Variants in CCDC144A observed in about 807,000 individuals in gnomAD.
The protein encoded by CCDC144A is coiled-coil domain containing 144A.
Under a neutral mutation model 143.8 loss-of-function variants are expected in CCDC144A, and 41 were observed. The observed-to-expected ratio is 0.29, with a 90% confidence interval of 0.22 to 0.37. The LOEUF (loss-of-function observed/expected upper bound fraction) is 0.37, where lower values mean the gene tolerates loss of function less well. Ranked by LOEUF, CCDC144A falls within the 10% of genes least tolerant of loss-of-function variation. CCDC144A has a pLI of 1.00. For missense variants in CCDC144A, 637 were observed against 1,488.8 expected, an observed-to-expected ratio of 0.43 and a Z score of 9.41; for synonymous variants, 242 against 517.9, an observed-to-expected ratio of 0.47 and a Z score of 7.23.
intron 6 of CCDC144A, among the ~76,000 whole-genome samples, chr17:16,716,321 G>T (rs1162493072): frequency 5.3e-5 from 8 of 151,982 alleles, no homozygotes; most frequent in Non-Finnish European, 1.0e-4. Flanking sequence ...AGTGGGAAAT[G>T]TTTGTCTCTT....
upstream of CCDC144A, among the ~76,000 whole-genome samples, chr17:16,685,366 G>A (rs1597517675): frequency 1.3e-5 from 2 of 151,760 alleles, no homozygotes; most frequent in South Asian, 4.2e-4. Flanking sequence ...TTCCAACGCC[G>A]TTTTTTGTTG....
chr17:16,667,741 C>T, the CCDC144A span, among the ~76,000 whole-genome samples: 446 of 151,674 alleles, frequency 2.9e-3, 4 homozygotes, highest in African/African-American at 0.01. Context: ...TGTTTTATTA[C>T]GCGTTTTCTC....
chr17:16,714,317 C>G (rs1410004764), intron 6 of CCDC144A, among the ~76,000 whole-genome samples: 1 of 152,220 alleles, frequency 6.6e-6, no homozygotes, highest in Non-Finnish European at 1.5e-5. Flanking sequence ...CTACACCAAC[C>G]TGCCTACTTG....
chr17:16,773,688 T>A lies in CCDC144A; in HGVS notation c.*55T>A. ...ACATGATATTTTGTTTCCCATTAAATATATGATGTGAACATTTTTACTAAA... is the reference window on the plus strand; with the variant it reads ...ACATGATATTTTGTTTCCCATTAAAAATATGATGTGAACATTTTTACTAAA... On this transcript the variant is annotated 3_prime_UTR_variant, in exon 17 of 17. Coordinates refer to ENST00000399273, the MANE Select transcript of CCDC144A (RefSeq NM_001382000.1). The A allele has an allele frequency of 2.2e-6, 3 of 1,391,784 alleles. No homozygotes were observed. In the South Asian group the frequency reaches 4.8e-5, roughly 22 times the overall value. The allele number at this position is 1,391,784 out of a possible 1,614,324, so 86.2% of individuals were successfully genotyped here. A position where few individuals can be genotyped will look rare whatever the true frequency, so the allele number is the denominator to read the frequency against.
chr17:16,685,623 T>C (rs1340167524), upstream of CCDC144A, among the ~76,000 whole-genome samples: 1 of 152,140 alleles, frequency 6.6e-6, no homozygotes, highest in Non-Finnish European at 1.5e-5. Flanking sequence ...CCTCAGGTGA[T>C]CCACCTGCCT....
At position 16,729,991 on chromosome 17, in the gene CCDC144A, T is replaced by TACACACAC. The variant is rs1555533309; in HGVS notation, c.2106-1802_2106-1801insCACACACA. Among the ~76,000 whole-genome samples the TACACACAC allele has an allele frequency of 7.4e-3, 833 of 112,850 alleles. 5 individuals are homozygous for TACACACAC. Among genetic ancestry groups the TACACACAC allele is most frequent in the Middle Eastern group, 0.014 (3 of 210 alleles). The allele number at this position is 112,850 out of a possible 152,430, so 74.0% of individuals were successfully genotyped here. A position where few individuals can be genotyped will look rare whatever the true frequency, so the allele number is the denominator to read the frequency against. ...ATATATATATATATATATATATATA[T>TACACACAC]ACACACATACATTTTTTGTTTTTTT... On this transcript the variant is annotated intron_variant, in intron 9 of 16. Coordinates refer to ENST00000399273, the MANE Select transcript of CCDC144A (RefSeq NM_001382000.1).
chr17:16,762,260 T>G lies in CCDC144A; in HGVS notation c.3667-53T>G. ...CAAACAAAAGGAAACAAATACACAG[T>G]AATTATTCAGGTTATAATTACTTTT... On this transcript the variant is annotated intron_variant, in intron 13 of 16. Transcript: ENST00000399273. The G allele has an allele frequency of 2.6e-6, 4 of 1,533,306 alleles. No homozygotes were observed. In the East Asian group the frequency reaches 9.9e-5, roughly 38 times the overall value. 95.0% of individuals were successfully genotyped at this position (1,533,306 alleles called of 1,614,324 possible).
Position 16,720,654 on chromosome 17 carries a change from T to A in CCDC144A, c.1887T>A (p.Tyr629Ter), listed in dbSNP as rs1433915400. The A allele has an allele frequency of 6.6e-7, 1 of 1,523,012 alleles. No individual in the cohort carries two copies. Among genetic ancestry groups the A allele is most frequent in the South Asian group, 1.4e-5 (1 of 73,688 alleles). The allele number at this position is 1,523,012 out of a possible 1,614,324, so 94.3% of individuals were successfully genotyped here. ...MLLIEQLRME[Y>*]KDSASLPRIQ... ...TGATTGAACAACTTAGAATGGAGTA[T>A]AAAGGTAGGACCACTGCATAAATGC... The change falls in exon 8 of 17, where the codon TAT becomes TAA. Residue 629 changes from tyrosine (Y) to a stop codon, truncating the protein, a stop_gained. Transcript: ENST00000399273. LOFTEE classifies it high-confidence loss of function.
intron 6 of CCDC144A, among the ~76,000 whole-genome samples, chr17:16,714,070 A>G (rs1009466238): frequency 4.6e-5 from 7 of 152,116 alleles, no homozygotes; most frequent in Non-Finnish European, 7.4e-5. Context: ...CTCCTCCATA[A>G]CAGTGTCTTC....
chr17:16,684,775 T>G (rs9898176), upstream of CCDC144A, among the ~76,000 whole-genome samples: 1 of 151,828 alleles, frequency 6.6e-6, no homozygotes, highest in East Asian at 1.9e-4. Context: ...ACCAGCCTGG[T>G]TAACATGGTG....
At chr17:16,720,049 T>C (rs1372733850) in intron 6 of CCDC144A, 149 bp from the exon 7 acceptor site, 1 of 1,098,548 alleles carries the variant, frequency 9.1e-7, no homozygotes, top group Non-Finnish European at 1.2e-6. Flanking sequence ...TACTGCATTT[T>C]ACATTACCTG....
chr17:16,775,486 CTGCA>C lies in CCDC144A; in HGVS notation c.*1856_*1859del, dbSNP rs1431544375. The C allele has an allele frequency of 6.6e-6, 1 of 152,224 alleles. No individual in the cohort carries two copies. Among genetic ancestry groups the C allele is most frequent in the Non-Finnish European group, 1.5e-5 (1 of 68,048 alleles). The allele number at this position is 152,224 out of a possible 1,614,324, so 9.4% of individuals were successfully genotyped here. A position where few individuals can be genotyped will look rare whatever the true frequency, so the allele number is the denominator to read the frequency against. On this transcript the variant is annotated 3_prime_UTR_variant, in exon 17 of 17. Transcript: ENST00000399273. ...ATGTTGAAGTTTTTTTGTTTGTTGG[CTGCA>C]TGTATGCCTTCTTTTGAAAAGTGTC...
intron 12 of CCDC144A, chr17:16,745,742 C>T: frequency 6.2e-7 from 1 of 1,614,004 alleles, no homozygotes; most frequent in Non-Finnish European, 8.5e-7. Flanking sequence ...GATCATACAG[C>T]TGCAAGGCTG....
At chr17:16,758,443 C>T (rs1915203229) in intron 12 of CCDC144A, among the ~76,000 whole-genome samples, 1 of 152,196 alleles carries the variant, frequency 6.6e-6, no homozygotes, top group Admixed American at 6.5e-5. Context: ...CATTTCTTGT[C>T]AACACAAAGA....
At chr17:16,759,152 C>T (rs1362995432) in intron 12 of CCDC144A, among the ~76,000 whole-genome samples, 6 of 152,152 alleles carry the variant, frequency 3.9e-5, no homozygotes, top group Non-Finnish European at 7.3e-5. Context: ...TACAGATGCT[C>T]CTCAGATTAG....
At chr17:16,720,729 C>A in intron 8 of CCDC144A, 71 bp downstream of exon 8, 1 of 1,581,302 alleles carries the variant, frequency 6.3e-7, no homozygotes, top group African/African-American at 1.3e-5. Flanking sequence ...TTGCTGAGAA[C>A]TGACGTGTGA....
upstream of CCDC144A, among the ~76,000 whole-genome samples, chr17:16,684,926 C>A (rs573997047): frequency 2.6e-5 from 4 of 152,204 alleles, no homozygotes; most frequent in East Asian, 7.7e-4. Context: ...TGTACCACTG[C>A]ACTCTAGCCT....
intron 2 of CCDC144A, among the ~76,000 whole-genome samples, chr17:16,698,846 A>G (rs1911563170): frequency 6.6e-6 from 1 of 152,252 alleles, no homozygotes; most frequent in Admixed American, 6.5e-5. Context: ...TTTTAAAAAT[A>G]TTTTATTGCA....
At chr17:16,753,713 CA>C (rs1452878127) in intron 12 of CCDC144A, among the ~76,000 whole-genome samples, 1 of 152,130 alleles carries the variant, frequency 6.6e-6, no homozygotes, top group African/African-American at 2.4e-5. Flanking sequence ...AGGTCATGTG[CA>C]CAGGGAGACA....
Sources: allele counts gnomAD v4.1 joint callset (sites outside exome capture counted in the v4.1 genomes callset), GRCh38; gene constraint gnomAD v4.1.1; transcripts MANE v1.5; gene names NCBI Gene and HGNC (gene_info 2026-07-23, HGNC 2026-07-21).